Variants in TCAF1 observed in about 807,000 individuals in gnomAD.
The protein encoded by TCAF1 is TRPM8 channel-associated factor 1.
A neutral mutation model predicts 27.3 loss-of-function variants in TCAF1; 4 were observed. The observed-to-expected ratio is 0.15, with a 90% confidence interval of 0.07 to 0.34. The LOEUF (loss-of-function observed/expected upper bound fraction) is 0.34, where lower values mean the gene tolerates loss of function less well. Among genes scored for constraint, TCAF1 ranks in the 10% least tolerant of loss-of-function variants. The pLI, the probability that TCAF1 is intolerant of heterozygous loss-of-function variation, is 1.00. For synonymous variants in TCAF1, 105 were observed against 167.1 expected (o/e 0.63, Z 2.87); for missense variants, 257 against 425.8 (o/e 0.60, Z 3.49).
chr7:143,896,178 G>A (rs765005972), intron 1 of TCAF1, among the ~76,000 whole-genome samples: 1 of 151,652 alleles, frequency 6.6e-6, no homozygotes, highest in Non-Finnish European at 1.5e-5. Flanking sequence ...AACGATAAAA[G>A]AGAGATAAAT....
chr7:143,876,445 C>T lies in TCAF1; in HGVS notation c.164G>A (p.Gly55Asp). 6.2e-7 allele frequency: 1 copy of T among 1,609,504 alleles called. No individual in the cohort carries two copies. Among genetic ancestry groups the T allele is most frequent in the South Asian group, 1.1e-5 (1 of 90,174 alleles). The change falls in exon 2 of 9, where the codon GGC becomes GAC. Residue 55 changes from glycine to aspartate, a missense_variant. By Grantham distance (94) the Gly-to-Asp change is moderately conservative. This residue lies in a region of TCAF1 where 255 missense variants were observed against 260.1 expected (regional missense o/e 0.98). Coordinates refer to ENST00000479870, the MANE Select transcript of TCAF1 (RefSeq NM_014719.3). ...GGACACGACCACCAGGCGGCCACGG[C>T]CATAGGAGGAGGCAGCAATGAGGAC... Reference protein sequence around the residue: ...GQVLIAASSYGRGRLVVVSHE... With the variant: ...GQVLIAASSYDRGRLVVVSHE...
chr7:143,885,370 T>TG (rs1254627726), intron 1 of TCAF1: 24 of 972,366 alleles, frequency 2.5e-5, no homozygotes, highest in Non-Finnish European at 2.7e-5. Context: ...TGCAGACGGT[T>TG]GGGGGTTGGG....
chr7:143,893,296 AAAGAC>A (rs1440060829), intron 1 of TCAF1, among the ~76,000 whole-genome samples: 1 of 152,178 alleles, frequency 6.6e-6, no homozygotes, highest in Admixed American at 6.5e-5. Context: ...TAAAAGAAGA[AAAGAC>A]AAGTCCACAA....
chr7:143,875,778 G>C (rs113818740), intron 2 of TCAF1, among the ~76,000 whole-genome samples: 1 of 152,278 alleles, frequency 6.6e-6, no homozygotes, highest in East Asian at 1.9e-4. Context: ...AATTATCAAA[G>C]AGCTAAATGG....
rs1409408077 is a variant in TCAF1 at position 143,859,857 on chromosome 7, T to TTATATACATATATATATATATA, written c.2167+350_2167+351insTATATATATATATATGTATATA. Among the ~76,000 whole-genome samples, 10 of 70,812 alleles carry TTATATACATATATATATATATA rather than the reference T, an allele frequency of 1.4e-4. 1 individual carries two copies. The highest frequency in any genetic ancestry group is 3.7e-4 in the African/African-American group (7 of 18,982). The allele number at this position is 70,812 out of a possible 152,430, so 46.5% of individuals were successfully genotyped here. On this transcript the variant is annotated intron_variant, in intron 6 of 8. Transcript: ENST00000479870. ...CCTTGACATGCTGACCTAAACTGTT[T>TTATATACATATATATATATATA]TATATACACATATACATATATACAT...
rs1811279086 is a variant in TCAF1, at chr7:143,851,446, C to A, written c.*2687G>T. 1 of 152,256 alleles carries A rather than the reference C, an allele frequency of 6.6e-6. No homozygotes were observed. The highest frequency in any genetic ancestry group is 1.5e-5 in the Non-Finnish European group (1 of 68,048). The allele number at this position is 152,256 out of a possible 1,614,324, so 9.4% of individuals were successfully genotyped here. A position where few individuals can be genotyped will look rare whatever the true frequency, so the allele number is the denominator to read the frequency against. On this transcript the variant is annotated 3_prime_UTR_variant, in exon 9 of 9. Coordinates refer to ENST00000479870, the MANE Select transcript of TCAF1 (RefSeq NM_014719.3). ...GCACAAGGTAAAAAATTAAATAGTA[C>A]AGAAGGACTTAAAATGAAAAACACA...
chr7:143,901,663 C>A (rs1318022404), intron 1 of TCAF1, among the ~76,000 whole-genome samples: 1 of 152,198 alleles, frequency 6.6e-6, no homozygotes, highest in Non-Finnish European at 1.5e-5. Flanking sequence ...GATCAAATCG[C>A]CTCGAGGGTT....
At chr7:143,865,091 C>CA (rs1359633345) in intron 2 of TCAF1, among the ~76,000 whole-genome samples, 2 of 151,734 alleles carry the variant, frequency 1.3e-5, no homozygotes, top group African/African-American at 2.4e-5. Flanking sequence ...AACATGTATA[C>CA]AAAATTTAAT....
At position 143,876,168 on chromosome 7, in the gene TCAF1, G is replaced by A. The variant is rs1812688369; in HGVS notation, c.441C>T (p.Gly147=). The A allele has an allele frequency of 1.2e-6, 2 of 1,614,208 alleles. No homozygotes were observed. Among genetic ancestry groups the A allele is most frequent in the Non-Finnish European group, 1.7e-6 (2 of 1,180,026 alleles). Residue 147 remains glycine (G), a synonymous_variant, in exon 2 of 9, where the codon GGC becomes GGT. Transcript: ENST00000479870. ...KLVKFMKCGG[G]LLIGGQAWDW... is the part of the protein sequence containing the mutation. ...CCCAGGCTTGTCCTCCTATGAGCAA[G>A]CCGCCACCACATTTCATGAACTTGA...
intron 1 of TCAF1, among the ~76,000 whole-genome samples, chr7:143,895,269 AAAAAT>A (rs1387890787): frequency 2.0e-5 from 3 of 151,906 alleles, no homozygotes; most frequent in Admixed American, 2.0e-4. Context: ...AAACACTGGA[AAAAAT>A]AAATGTCCAT....
intron 1 of TCAF1, among the ~76,000 whole-genome samples, chr7:143,877,913 C>T (rs1025180999): frequency 6.6e-6 from 1 of 152,244 alleles, no homozygotes. Flanking sequence ...CTGGCCCTTA[C>T]TACTTGTCTA....
At chr7:143,885,111 CA>C (rs1259795232) in intron 1 of TCAF1, 3 of 985,428 alleles carry the variant, frequency 3.0e-6, no homozygotes, top group Non-Finnish European at 3.6e-6. Flanking sequence ...CTCCTTCTCC[CA>C]CCCGCACCTC....
At chr7:143,859,903 A>AAT (rs1811813137) in intron 6 of TCAF1, among the ~76,000 whole-genome samples, 2 of 66,212 alleles carry the variant, frequency 3.0e-5, no homozygotes, top group Admixed American at 2.7e-4. Context: ...TATATTATAT[A>AAT]ATATATATTA....
chr7:143,875,420 C>A (rs998359445), intron 2 of TCAF1, among the ~76,000 whole-genome samples: 5 of 152,148 alleles, frequency 3.3e-5, no homozygotes, highest in Non-Finnish European at 7.4e-5. Flanking sequence ...TGCAGGCTCT[C>A]CTGCACCCAT....
At chr7:143,878,953 T>C (rs779995254) in intron 1 of TCAF1, among the ~76,000 whole-genome samples, 5 of 152,194 alleles carry the variant, frequency 3.3e-5, no homozygotes, top group Admixed American at 1.3e-4. Flanking sequence ...ACTCTAATCA[T>C]GTTATTTAAT....
intron 1 of TCAF1, among the ~76,000 whole-genome samples, chr7:143,881,324 A>T (rs894637951): frequency 3.9e-5 from 6 of 152,212 alleles, no homozygotes; most frequent in Non-Finnish European, 8.8e-5. Context: ...TCATTTTTTC[A>T]GCAACTAGCT....
At chr7:143,887,002 G>A (rs1387109017) in intron 1 of TCAF1, among the ~76,000 whole-genome samples, 1 of 151,292 alleles carries the variant, frequency 6.6e-6, no homozygotes, top group Non-Finnish European at 1.5e-5. Flanking sequence ...CACCCTGTCT[G>A]GCTGCTTCCT....
At chr7:143,895,179 G>A (rs1367574294) in intron 1 of TCAF1, among the ~76,000 whole-genome samples, 1 of 151,768 alleles carries the variant, frequency 6.6e-6, no homozygotes, top group Non-Finnish European at 1.5e-5. Context: ...TATTTAGGCT[G>A]ACCAGATGTA....
rs760059029 is a variant in TCAF1, at chr7:143,876,646, C to T, written c.-14-24G>A. 3.4e-6 allele frequency: 5 copies of T among 1,470,966 alleles called. No individual in the cohort carries two copies. The Admixed American group carries it at 9.5e-5, about 28-fold the overall frequency. The allele number at this position is 1,470,966 out of a possible 1,614,324, so 91.1% of individuals were successfully genotyped here. Reference sequence around the variant, plus strand: ...TTCTGCAGAGAAGAAAGCAAAGGCTCAGCTTAGCGAAGAATGGATAAACAA... The same window carrying T: ...TTCTGCAGAGAAGAAAGCAAAGGCTTAGCTTAGCGAAGAATGGATAAACAA... On this transcript the variant is annotated intron_variant, in intron 1 of 8. Coordinates refer to ENST00000479870, the MANE Select transcript of TCAF1 (RefSeq NM_014719.3).
Sources: gnomAD v4.1 joint callset for allele counts (sites outside exome capture counted in the v4.1 genomes callset) on GRCh38, gnomAD v4.1.1 for gene constraint, gnomAD v4.1.1 regional missense constraint, MANE v1.5 for transcripts, NCBI Gene and HGNC (gene_info 2026-07-23, HGNC 2026-07-21) for gene names.